The following CTPS2 variants were observed in gnomAD, a reference collection of about 807,000 sequenced individuals.
CTPS2 encodes the protein CTP synthase 2.
CTPS2 carries 19 observed loss-of-function variants against 46.8 expected under a neutral mutation model. The ratio of observed to expected loss-of-function variants is 0.41; its 90% CI spans 0.28 to 0.60. The LOEUF (loss-of-function observed/expected upper bound fraction) is 0.60. Among genes scored for constraint, CTPS2 ranks in the 20% least tolerant of loss-of-function variants. The probability of loss-of-function intolerance (pLI) is 0.35; values close to 1 mark genes in which losing one functional copy is unlikely to be tolerated. For missense variants in CTPS2, 286 were observed against 447.6 expected, an observed-to-expected ratio of 0.64 and a Z score of 3.26; for synonymous variants, 151 against 165.2, an observed-to-expected ratio of 0.91 and a Z score of 0.66.
chrX:16,632,689 G>A (rs1931541990), intron 14 of CTPS2, among the ~76,000 whole-genome samples: 1 of 111,724 alleles, frequency 9.0e-6, no homozygotes, highest in South Asian at 3.8e-4. Context: ...CTCCCAAAGT[G>A]CTGGGATTAC....
rs185098543 is a variant in CTPS2 at position 16,641,152 on chromosome X, A to T, written c.1297-1909T>A. On this transcript the variant is annotated intron_variant, in intron 13 of 18. Transcript: ENST00000359276. ...ACATAGATGCCTGGCCTCTCTATGT[A>T]TTCTCTAAATCAGGTAAGACTGCAC... Among the ~76,000 whole-genome samples, 389 of 111,874 alleles carry T rather than the reference A, an allele frequency of 3.5e-3. 2 individuals carry two copies. The highest frequency in any genetic ancestry group is 0.011 in the African/African-American group (354 of 30,790).
intron 10 of CTPS2, among the ~76,000 whole-genome samples, chrX:16,673,270 GA>G (rs1336958399): frequency 2.0e-4 from 22 of 111,533 alleles, no homozygotes; most frequent in African/African-American, 7.2e-4. Flanking sequence ...TCTTAGGATA[GA>G]ATGTGGGCCT....
chrX:16,605,143 A>G (rs926483608), intron 17 of CTPS2, among the ~76,000 whole-genome samples: 1 of 111,458 alleles, frequency 9.0e-6, no homozygotes, highest in Admixed American at 9.6e-5. Context: ...TATGGTGAAC[A>G]CCTGCTTTCC....
intron 1 of CTPS2, among the ~76,000 whole-genome samples, chrX:16,706,476 C>A (rs927250295): frequency 9.0e-6 from 1 of 110,884 alleles, no homozygotes; most frequent in Non-Finnish European, 1.9e-5. Flanking sequence ...GTAATCCCAG[C>A]ACTTTGGAAG....
Position 16,653,091 on chromosome X carries a change from TACC to T in CTPS2, c.1297-13851_1297-13849del, listed in dbSNP as rs950617398. On this transcript the variant is annotated intron_variant, in intron 13 of 18. Transcript: ENST00000359276. ...CGTAAATTCAATGTTATGTGTTTTT[TACC>T]ACAATTTATATATACATATATATAT... is the stretch of plus-strand genomic sequence containing the variant. Among the ~76,000 whole-genome samples, 27 of 111,036 alleles carry T rather than the reference TACC, an allele frequency of 2.4e-4. 1 individual carries two copies. The highest frequency in any genetic ancestry group is 6.8e-4 in the African/African-American group (21 of 30,696).
At position 16,691,622 on chromosome X, in the gene CTPS2, T is replaced by C; in HGVS notation, c.640-2A>G. ...GGGCGTTGAACTTCGGCAGACAATCTGTCAAAGCCAGTTATGCTTCAGCAA... is the reference window on the plus strand; with the variant it reads ...GGGCGTTGAACTTCGGCAGACAATCCGTCAAAGCCAGTTATGCTTCAGCAA... On this transcript the variant is annotated splice_acceptor_variant, in intron 6 of 18. Coordinates refer to ENST00000359276, the MANE Select transcript of CTPS2 (RefSeq NM_175859.3). LOFTEE classifies it high-confidence loss of function. The C allele has an allele frequency of 8.3e-7, 1 of 1,199,494 alleles. No individual in the cohort carries two copies. Among genetic ancestry groups the C allele is most frequent in the Non-Finnish European group, 1.1e-6 (1 of 884,439 alleles).
At chrX:16,596,635 A>G (rs1214188159) in intron 17 of CTPS2, among the ~76,000 whole-genome samples, 1 of 110,640 alleles carries the variant, frequency 9.0e-6, no homozygotes, top group Admixed American at 9.7e-5. Flanking sequence ...GCTACTGTGA[A>G]TAGTGCCGCA....
chrX:16,686,757 A>G (rs1468073156), intron 8 of CTPS2, among the ~76,000 whole-genome samples: 6 of 111,446 alleles, frequency 5.4e-5, no homozygotes, highest in African/African-American at 2.0e-4. Flanking sequence ...CACAAAAATT[A>G]GCCAAGCATG....
chrX:16,613,909 A>T (rs1930392390), intron 16 of CTPS2, among the ~76,000 whole-genome samples: 1 of 110,894 alleles, frequency 9.0e-6, no homozygotes, highest in Non-Finnish European at 1.9e-5. Context: ...GCATTTGATG[A>T]TGTCTGGAGA....
At chrX:16,676,932 G>T (rs986698691) in intron 10 of CTPS2, among the ~76,000 whole-genome samples, 1 of 110,168 alleles carries the variant, frequency 9.1e-6, no homozygotes. Flanking sequence ...GGTAGCGCGT[G>T]CCTGTAATCC....
At chrX:16,600,924 G>A (rs866968714) in intron 17 of CTPS2, among the ~76,000 whole-genome samples, 10 of 112,083 alleles carry the variant, frequency 8.9e-5, no homozygotes, top group African/African-American at 3.2e-4. Context: ...CACCTCAACT[G>A]TCCCTCACAG....
chrX:16,664,167 C>A (rs999828529), intron 13 of CTPS2, among the ~76,000 whole-genome samples: 3 of 112,318 alleles, frequency 2.7e-5, no homozygotes, highest in Non-Finnish European at 5.6e-5. Flanking sequence ...CACGTACACA[C>A]ACCCCCAGTA....
chrX:16,689,660 A>G (rs113353137), intron 7 of CTPS2, 59 bp from the exon 8 acceptor site: 2 of 1,058,658 alleles, frequency 1.9e-6, no homozygotes, highest in Non-Finnish European at 2.6e-6. Flanking sequence ...TGCCACCACA[A>G]GAATGAAACA....
intron 8 of CTPS2, among the ~76,000 whole-genome samples, chrX:16,688,738 GAA>G (rs1257837959): frequency 9.6e-6 from 1 of 104,028 alleles, no homozygotes; most frequent in Non-Finnish European, 1.9e-5. Flanking sequence ...TTTTCTTTAG[GAA>G]AAGTTAGCCA....
chrX:16,594,886 C>T (rs1021860648), intron 17 of CTPS2, among the ~76,000 whole-genome samples: 2 of 112,613 alleles, frequency 1.8e-5, no homozygotes, highest in Non-Finnish European at 3.7e-5. Context: ...GCTGAACTTG[C>T]TGATTTTAGG....
At chrX:16,668,288 G>A (rs1921366360) in intron 11 of CTPS2, among the ~76,000 whole-genome samples, 1 of 107,442 alleles carries the variant, frequency 9.3e-6, no homozygotes, top group Admixed American at 1.0e-4. Context: ...AAGAGAGGAA[G>A]GAGGAGCTGG....
At chrX:16,683,898 G>T (rs1030129292) in intron 8 of CTPS2, among the ~76,000 whole-genome samples, 1 of 111,864 alleles carries the variant, frequency 8.9e-6, no homozygotes, top group African/African-American at 3.2e-5. Flanking sequence ...ACAAAAGTCT[G>T]GTTATTCATG....
At chrX:16,706,330 C>T (rs1310463881) in intron 1 of CTPS2, among the ~76,000 whole-genome samples, 2 of 108,415 alleles carry the variant, frequency 1.8e-5, no homozygotes, top group Admixed American at 9.9e-5. Flanking sequence ...GGCTGAAGCA[C>T]GAGAATCACT....
chrX:16,680,791 C>T (rs939447843), intron 9 of CTPS2, among the ~76,000 whole-genome samples: 1 of 111,055 alleles, frequency 9.0e-6, no homozygotes, highest in African/African-American at 3.3e-5. Context: ...CATGGTGGCT[C>T]ACGCCTGTAA....
Sources: allele counts gnomAD v4.1 joint callset (sites outside exome capture counted in the v4.1 genomes callset), GRCh38; gene constraint gnomAD v4.1.1; transcripts MANE v1.5; gene names NCBI Gene and HGNC (gene_info 2026-07-23, HGNC 2026-07-21).